Variants in SAMD12 observed in about 807,000 individuals in gnomAD.
SAMD12 encodes the protein sterile alpha motif domain-containing protein 12.
A neutral mutation model predicts 15.0 loss-of-function variants in SAMD12; 9 were observed. That is an observed-to-expected ratio of 0.60 (90% CI 0.36 to 1.05). SAMD12 has a LOEUF of 1.05. SAMD12 is among the 50% of genes least tolerant of loss of function. The pLI, the probability that SAMD12 is intolerant of heterozygous loss-of-function variation, is 0.01. For missense variants in SAMD12, 230 were observed against 234.2 expected (o/e 0.98, Z 0.12); for synonymous variants, 86 against 90.1 (o/e 0.96, Z 0.25).
At position 118,562,619 on chromosome 8, in the gene SAMD12, A is replaced by G. The variant is rs554474253; in HGVS notation, c.192+18096T>C. Reference sequence around the variant, plus strand: ...AAAAGGGGAATGATGATGAAAAAACATAACTTATTGTTGACTTTACGGACT... The same window carrying G: ...AAAAGGGGAATGATGATGAAAAAACGTAACTTATTGTTGACTTTACGGACT... On this transcript the variant is annotated intron_variant, in intron 2 of 3. Transcript: ENST00000314727. Among the ~76,000 whole-genome samples, 13 of 152,376 alleles carry G rather than the reference A, an allele frequency of 8.5e-5. No homozygotes were observed. In the South Asian group the frequency reaches 1.2e-3, roughly 15 times the overall value.
At chr8:118,149,482 T>C in the SAMD12 span, among the ~76,000 whole-genome samples, 54 of 152,306 alleles carry the variant, frequency 3.5e-4, no homozygotes, top group African/African-American at 1.3e-3. Context: ...TTCTTACAAA[T>C]GAATTTTGAG....
At chr8:118,375,355 A>G (rs895364661), downstream of SAMD12, among the ~76,000 whole-genome samples, 1 of 152,184 alleles carries the variant, frequency 6.6e-6, no homozygotes, top group African/African-American at 2.4e-5. Flanking sequence ...TTATACGCAT[A>G]TGTAAATTAT....
chr8:118,152,845 A>T, the SAMD12 span, among the ~76,000 whole-genome samples: 1 of 152,238 alleles, frequency 6.6e-6, no homozygotes, highest in East Asian at 1.9e-4. Flanking sequence ...AAAGTGCACC[A>T]CTGGTAGTGG....
chr8:118,340,417 A>C (rs1466903173), intron 4 of SAMD12, among the ~76,000 whole-genome samples: 2 of 152,068 alleles, frequency 1.3e-5, no homozygotes, highest in African/African-American at 2.4e-5. Context: ...CTTACAACTT[A>C]ATTTTGTCAT....
Position 118,280,482 on chromosome 8 carries a change from T to A in SAMD12, c.434-82750A>T, listed in dbSNP as rs115761862. 6.5e-3 allele frequency among the ~76,000 whole-genome samples: 986 copies of A among 152,180 alleles called. 11 individuals carry two copies. Among genetic ancestry groups the A allele is most frequent in the African/African-American group, 0.023 (936 of 41,516 alleles). Reference sequence around the variant, plus strand: ...TGCCTCCAGGGAGACTCTGTATTAATAGAAATATGGCGAAGGTGGCCTGAA... The same window carrying A: ...TGCCTCCAGGGAGACTCTGTATTAAAAGAAATATGGCGAAGGTGGCCTGAA... On this transcript the variant is annotated intron_variant, in intron 4 of 4. Coordinates refer to the SAMD12 transcript ENST00000409003.
the SAMD12 span, among the ~76,000 whole-genome samples, chr8:118,165,827 A>G: frequency 2.1e-4 from 32 of 151,940 alleles, no homozygotes; most frequent in Admixed American, 3.9e-4. Context: ...AATAAATAAC[A>G]TGGTTGAGTC....
chr8:118,417,048 G>C (rs548436969), intron 3 of SAMD12, among the ~76,000 whole-genome samples: 1 of 151,856 alleles, frequency 6.6e-6, no homozygotes, highest in South Asian at 2.1e-4. Flanking sequence ...ACATGTGTTT[G>C]TGCTAAAGAT....
chr8:118,282,390 A>G (rs2130168188), intron 4 of SAMD12: 1 of 455,976 alleles, frequency 2.2e-6, no homozygotes, highest in East Asian at 7.0e-5. Flanking sequence ...GTTGAAAGCT[A>G]AGCTCCAGCA....
chr8:118,367,072 C>T (rs1014496684), intron 4 of SAMD12, among the ~76,000 whole-genome samples: 1 of 151,784 alleles, frequency 6.6e-6, no homozygotes, highest in Non-Finnish European at 1.5e-5. Flanking sequence ...CACATGGTAC[C>T]TTCTAGAATT....
At chr8:118,339,548 C>T (rs1817246973) in intron 4 of SAMD12, among the ~76,000 whole-genome samples, 1 of 152,192 alleles carries the variant, frequency 6.6e-6, no homozygotes, top group East Asian at 1.9e-4. Flanking sequence ...AATCTTTTGG[C>T]TGCCGCCGCA....
chr8:118,289,463 T>C (rs561130752), intron 4 of SAMD12, among the ~76,000 whole-genome samples: 3 of 152,330 alleles, frequency 2.0e-5, no homozygotes, highest in East Asian at 3.9e-4. Context: ...CAAATGCAAG[T>C]TGAATGATAT....
intron 2 of SAMD12, among the ~76,000 whole-genome samples, chr8:118,469,080 G>A (rs1159697034): frequency 1.3e-5 from 2 of 152,070 alleles, no homozygotes; most frequent in African/African-American, 4.8e-5. Context: ...AGCAGGTCAA[G>A]GTTCAGTCTT....
rs1025303184 is a variant in SAMD12 at position 118,572,902 on chromosome 8, T to C, written c.192+7813A>G. Reference sequence around the variant, plus strand: ...GTGGGAGGAACCTGGTGGGAGGTAATTGAATCATGGGGGCTGCTTCCCCCA... The same window carrying C: ...GTGGGAGGAACCTGGTGGGAGGTAACTGAATCATGGGGGCTGCTTCCCCCA... On this transcript the variant is annotated intron_variant, in intron 2 of 3. Coordinates refer to ENST00000314727, the MANE Select transcript of SAMD12 (RefSeq NM_207506.3). Among the ~76,000 whole-genome samples, 8 of 151,692 alleles carry C rather than the reference T, an allele frequency of 5.3e-5. No individual in the cohort carries two copies. The South Asian group carries it at 1.5e-3, about 28-fold the overall frequency.
chr8:118,234,607 A>G (rs1812386181), intron 4 of SAMD12, among the ~76,000 whole-genome samples: 1 of 149,022 alleles, frequency 6.7e-6, no homozygotes, highest in Admixed American at 6.8e-5. Context: ...GCTACTTGGG[A>G]GGCTGAGGTA....
intron 2 of SAMD12, among the ~76,000 whole-genome samples, chr8:118,518,672 T>A (rs1825311954): frequency 6.6e-6 from 1 of 152,158 alleles, no homozygotes; most frequent in Non-Finnish European, 1.5e-5. Context: ...CCTGACTGCA[T>A]AATACACACC....
intron 4 of SAMD12, among the ~76,000 whole-genome samples, chr8:118,361,231 T>A (rs1818483901): frequency 6.6e-6 from 1 of 152,236 alleles, no homozygotes; most frequent in South Asian, 2.1e-4. Context: ...ATCAGTCTGC[T>A]GTCTCTTTCT....
Position 118,569,539 on chromosome 8 carries a change from C to T in SAMD12, c.192+11176G>A, listed in dbSNP as rs1212941131. 5.1e-4 allele frequency among the ~76,000 whole-genome samples: 78 copies of T among 152,308 alleles called. 1 individual carries two copies. The highest frequency in any genetic ancestry group is 5.1e-3 in the Admixed American group (78 of 15,304). On this transcript the variant is annotated intron_variant, in intron 2 of 3. Transcript: ENST00000314727. The stretch of plus-strand genomic sequence containing the variant: ...CTCCTAAAACTGATAGGTTGAAGCC[C>T]TAACCCCCAATAAGGTGTTGTTTGA...
chr8:118,244,222 G>C (rs142836541), intron 4 of SAMD12, among the ~76,000 whole-genome samples: 15 of 152,268 alleles, frequency 9.9e-5, no homozygotes, highest in Admixed American at 9.2e-4. Context: ...AACCCTTTGA[G>C]ATGGGTATTC....
At chr8:118,268,737 G>C (rs1252166063) in intron 4 of SAMD12, among the ~76,000 whole-genome samples, 1 of 152,098 alleles carries the variant, frequency 6.6e-6, no homozygotes, top group Non-Finnish European at 1.5e-5. Context: ...TCACTTGAAC[G>C]TTGGAGGTGG....
Sources: gnomAD v4.1 joint callset for allele counts (sites outside exome capture counted in the v4.1 genomes callset) on GRCh38, gnomAD v4.1.1 for gene constraint, MANE v1.5 for transcripts, NCBI Gene and HGNC (gene_info 2026-07-23, HGNC 2026-07-21) for gene names.